The following DENND4C variants were observed in gnomAD, a reference collection of about 807,000 sequenced individuals.
The protein encoded by DENND4C is DENN domain containing 4C, also known as DENN domain-containing protein 4C.
DENND4C carries 108 observed loss-of-function variants against 203.0 expected under a neutral mutation model. The observed-to-expected ratio is 0.53, with a 90% CI of 0.46 to 0.62. The LOEUF is 0.62. DENND4C is among the 20% of genes least tolerant of loss of function. DENND4C has a pLI of 0.00. For missense variants in DENND4C, 2,481 were observed against 2,301.2 expected (o/e 1.08, Z -1.60); for synonymous variants, 871 against 792.4 (o/e 1.10, Z -1.67).
chr9:19,244,585 A>G (rs1824647799), intron 1 of DENND4C, among the ~76,000 whole-genome samples: 1 of 151,402 alleles, frequency 6.6e-6, no homozygotes, highest in South Asian at 2.1e-4. Context: ...CTAAAAATAC[A>G]AAAAATTAGC....
At chr9:19,289,932 A>G (rs899112781) in intron 4 of DENND4C, among the ~76,000 whole-genome samples, 1 of 152,086 alleles carries the variant, frequency 6.6e-6, no homozygotes, top group Non-Finnish European at 1.5e-5. Flanking sequence ...GAGAAAAGAT[A>G]TCACTTAAAA....
chr9:19,316,861 A>C (rs761778212), intron 12 of DENND4C, 22 bp downstream of exon 12: 3 of 1,571,964 alleles, frequency 1.9e-6, no homozygotes, highest in African/African-American at 2.7e-5. Context: ...TGAAAGTACA[A>C]TTCCTTTTAT....
chr9:19,336,553 C>A, intron 19 of DENND4C, 133 bp from the exon 20 acceptor site: 1 of 1,424,936 alleles, frequency 7.0e-7, no homozygotes, highest in Non-Finnish European at 9.3e-7. Flanking sequence ...TGTCTTAGTC[C>A]AAAATTATTT....
chr9:19,282,006 T>C (rs558812549), intron 2 of DENND4C, among the ~76,000 whole-genome samples: 1 of 152,042 alleles, frequency 6.6e-6, no homozygotes, highest in Non-Finnish European at 1.5e-5. Context: ...AGTGAGTGAG[T>C]GTTGAGTGAA....
Position 19,326,160 on chromosome 9 carries a change from C to T in DENND4C, c.2086C>T (p.Pro696Ser). The change falls in exon 15 of 33, where the codon CCT (proline) becomes TCT (serine). Residue 696 changes from proline to serine, a missense_variant. Physicochemically the swap from Pro to Ser is moderately conservative, Grantham distance 74 (BLOSUM62 -1). Transcript: ENST00000434457. ...ATTTATAATGCCGCCAGAGCCACCT[C>T]CTGATGATGGAAAGGACCTGTCACC... The part of the protein sequence containing the change: ...TVFIMPPEPP[P>S]DDGKDLSPKY... The T allele has an allele frequency of 6.2e-7, 1 of 1,613,224 alleles. No homozygotes were observed.
intron 1 of DENND4C, among the ~76,000 whole-genome samples, chr9:19,254,341 T>C (rs560613053): frequency 6.6e-6 from 1 of 152,330 alleles, no homozygotes; most frequent in East Asian, 1.9e-4. Context: ...AACGTTAGTG[T>C]CCATCGACGG....
At chr9:19,344,217 A>G (rs1822297768) in intron 22 of DENND4C, among the ~76,000 whole-genome samples, 1 of 152,242 alleles carries the variant, frequency 6.6e-6, no homozygotes, top group African/African-American at 2.4e-5. Context: ...TGATGTGACT[A>G]CAGTAAAAAG....
At chr9:19,356,259 A>C (rs540389958) in intron 26 of DENND4C, among the ~76,000 whole-genome samples, 2 of 152,204 alleles carry the variant, frequency 1.3e-5, no homozygotes, top group Non-Finnish European at 2.9e-5. Flanking sequence ...TTTGATATGC[A>C]TATCATTAGA....
intron 1 of DENND4C, among the ~76,000 whole-genome samples, chr9:19,275,905 C>T (rs186717196): frequency 6.6e-6 from 1 of 152,272 alleles, no homozygotes; most frequent in East Asian, 1.9e-4. Context: ...TCGCGCCCGG[C>T]CCCAGTTTAA....
At position 19,336,424 on chromosome 9, in the gene DENND4C, G is replaced by T. The variant is rs748959367; in HGVS notation, c.2734+10G>T. The T allele has an allele frequency of 1.9e-6, 3 of 1,606,344 alleles. No homozygotes were observed. Among genetic ancestry groups the T allele is most frequent in the Non-Finnish European group, 1.7e-6 (2 of 1,177,308 alleles). On this transcript the variant is annotated intron_variant, in intron 19 of 32. Transcript: ENST00000434457. ...GTCTCCTCAATATCAGGTAATACAT[G>T]TGATTAGAAATATAATTCCTTACTG...
At chr9:19,251,132 C>G (rs569311691) in intron 1 of DENND4C, among the ~76,000 whole-genome samples, 2 of 152,346 alleles carry the variant, frequency 1.3e-5, no homozygotes, top group South Asian at 2.1e-4. Flanking sequence ...TTCTTCCTGC[C>G]CATCCAGGCA....
At chr9:19,231,950 T>A (rs995687326) in intron 1 of DENND4C, among the ~76,000 whole-genome samples, 1 of 152,192 alleles carries the variant, frequency 6.6e-6, no homozygotes, top group Non-Finnish European at 1.5e-5. Context: ...AAGTTCTGGA[T>A]AAATACTTGA....
At chr9:19,284,084 A>C (rs1834722562) in intron 2 of DENND4C, among the ~76,000 whole-genome samples, 1 of 152,244 alleles carries the variant, frequency 6.6e-6, no homozygotes, top group African/African-American at 2.4e-5. Flanking sequence ...GATAGACTGT[A>C]GAATAATGAA....
At chr9:19,354,733 A>T (rs1824989116) in intron 26 of DENND4C, among the ~76,000 whole-genome samples, 1 of 150,926 alleles carries the variant, frequency 6.6e-6, no homozygotes, top group South Asian at 2.1e-4. Flanking sequence ...TTTTGTAGAG[A>T]TGGGGTTTCG....
intron 1 of DENND4C, among the ~76,000 whole-genome samples, chr9:19,235,323 A>G (rs766852767): frequency 6.6e-6 from 1 of 152,180 alleles, no homozygotes; most frequent in African/African-American, 2.4e-5. Context: ...CTGCTACAAT[A>G]TAGTATTTAA....
chr9:19,238,242 C>G (rs1822535062), intron 1 of DENND4C, among the ~76,000 whole-genome samples: 1 of 151,700 alleles, frequency 6.6e-6, no homozygotes, highest in Admixed American at 6.6e-5. Flanking sequence ...ACCACCATGC[C>G]CGGCTAATAT....
At chr9:19,279,477 C>T (rs1833593052) in intron 2 of DENND4C, among the ~76,000 whole-genome samples, 1 of 152,072 alleles carries the variant, frequency 6.6e-6, no homozygotes, top group South Asian at 2.1e-4. Flanking sequence ...GAGTTCAAGA[C>T]CAGCCTGTCC....
At chr9:19,305,609 A>G (rs1307644545) in intron 10 of DENND4C, 82 bp downstream of exon 10, 3 of 1,382,592 alleles carry the variant, frequency 2.2e-6, no homozygotes, top group Non-Finnish European at 2.9e-6. Context: ...ATCTAGAAAT[A>G]TGCTATTTTT....
At chr9:19,336,210 T>A in intron 18 of DENND4C, 60 bp from the exon 19 acceptor site, 1 of 1,503,656 alleles carries the variant, frequency 6.7e-7, no homozygotes, top group Non-Finnish European at 9.1e-7. Context: ...CATATATGTA[T>A]GTATTTTTAA....
Sources: gnomAD v4.1 joint callset for allele counts (sites outside exome capture counted in the v4.1 genomes callset) on GRCh38, gnomAD v4.1.1 for gene constraint, MANE v1.5 for transcripts, NCBI Gene and HGNC (gene_info 2026-07-23, HGNC 2026-07-21) for gene names.